CASP5: variants seen among roughly 807,000 people sequenced by gnomAD.
The protein encoded by CASP5 is caspase-5.
A neutral mutation model predicts 45.2 loss-of-function variants in CASP5; 42 were observed. The observed-to-expected ratio is 0.93, with a 90% CI of 0.73 to 1.20. The LOEUF (loss-of-function observed/expected upper bound fraction) is 1.20. CASP5 is among the 50% of genes most tolerant of loss of function. CASP5 has a pLI of 0.00. For missense variants in CASP5, 512 were observed against 532.2 expected, an observed-to-expected ratio of 0.96 and a Z score of 0.37; for synonymous variants, 209 against 186.2, an observed-to-expected ratio of 1.12 and a Z score of -1.00.
intron 3 of CASP5, among the ~76,000 whole-genome samples, chr11:105,004,927 C>T (rs981673918): frequency 2.0e-5 from 3 of 152,132 alleles, no homozygotes. Context: ...TCCAACTTAA[C>T]AGTCATCTCC....
intron 1 of CASP5, among the ~76,000 whole-genome samples, chr11:105,016,584 T>A (rs1468995754): frequency 6.6e-6 from 1 of 151,988 alleles, no homozygotes; most frequent in Non-Finnish European, 1.5e-5. Context: ...TCCACCCGAA[T>A]ACTGCGCTTT....
intron 9 of CASP5, among the ~76,000 whole-genome samples, chr11:104,995,449 A>G (rs907615040): frequency 6.6e-6 from 1 of 152,136 alleles, no homozygotes; most frequent in Non-Finnish European, 1.5e-5. Context: ...AAATGAACAT[A>G]ATTAATAATG....
At chr11:105,004,600 C>A (rs1861912868) in intron 3 of CASP5, among the ~76,000 whole-genome samples, 1 of 151,828 alleles carries the variant, frequency 6.6e-6, no homozygotes, top group South Asian at 2.1e-4. Flanking sequence ...TAATATTGTT[C>A]TGTATAAAAT....
At position 105,000,241 on chromosome 11, in the gene CASP5, T is replaced by A; in HGVS notation, c.952+20A>T. On this transcript the variant is annotated intron_variant, in intron 6 of 9. Transcript: ENST00000260315. ...TGCATACACCTTCAAAACTGTTAGA[T>A]GTTCAGCCTCAGCACTCACCACCTC... 1 of 1,612,530 alleles carries A rather than the reference T, an allele frequency of 6.2e-7. No individual in the cohort carries two copies. The highest frequency in any genetic ancestry group is 8.5e-7 in the Non-Finnish European group (1 of 1,178,472).
chr11:105,000,341 A>T lies in CASP5; in HGVS notation c.872T>A (p.Ile291Asn), dbSNP rs1389103021. 1.9e-6 allele frequency: 3 copies of T among 1,614,220 alleles called. No homozygotes were observed. Among genetic ancestry groups the T allele is most frequent in the Non-Finnish European group, 2.5e-6 (3 of 1,180,032 alleles). ...KKPDVLLYDTIFQIFNNRNCL... is the reference protein window; with the variant it reads ...KKPDVLLYDTNFQIFNNRNCL... ...GTTGCGGTTGTTGAATATCTGGAAG[A>T]TGGTGTCATAAAGCAGCACATCCGG... is the stretch of plus-strand genomic sequence containing the variant. The change falls in exon 6 of 10, where the codon ATC becomes AAC. Residue 291 changes from isoleucine (I) to asparagine (N), a missense_variant. Physicochemically the swap from Ile to Asn is moderately radical, Grantham distance 149. Coordinates refer to ENST00000260315, the MANE Select transcript of CASP5 (RefSeq NM_004347.5).
chr11:105,007,014 T>C (rs1235567691), intron 3 of CASP5, 69 bp downstream of exon 3: 7 of 1,305,082 alleles, frequency 5.4e-6, no homozygotes, highest in Non-Finnish European at 7.5e-6. Flanking sequence ...CAGATAACAC[T>C]GCATGGGCCT....
chr11:105,002,889 T>A (rs1322627941), intron 4 of CASP5, among the ~76,000 whole-genome samples: 1 of 152,154 alleles, frequency 6.6e-6, no homozygotes, highest in East Asian at 1.9e-4. Flanking sequence ...CCCTCATCAT[T>A]TAGTGCTTTA....
At chr11:105,016,738 C>A (rs1045607334) in intron 1 of CASP5, among the ~76,000 whole-genome samples, 8 of 152,056 alleles carry the variant, frequency 5.3e-5, no homozygotes, top group Non-Finnish European at 1.0e-4. Flanking sequence ...GAGGGGCGCC[C>A]ACCATTGCCC....
At chr11:105,006,330 T>C (rs1861999110) in intron 3 of CASP5, among the ~76,000 whole-genome samples, 1 of 152,228 alleles carries the variant, frequency 6.6e-6, no homozygotes, top group Non-Finnish European at 1.5e-5. Context: ...GTATACTTCA[T>C]TTGTTTATTC....
In CASP5 at chr11:105,003,287, T is replaced by G. The variant is rs1335563731; in HGVS notation, c.530A>C (p.Lys177Thr). The G allele has an allele frequency of 1.3e-6, 2 of 1,595,696 alleles. No homozygotes were observed. The highest frequency in any genetic ancestry group is 2.2e-5 in the East Asian group (1 of 44,554). Reference protein sequence around the residue: ...PREEFLRLCKKNHDEIYPIKK... With the variant: ...PREEFLRLCKTNHDEIYPIKK... ...AGAGCACAGCACCTCATCATGATTT[T>G]TTTTACACAGTCTCAGGAATTCTTC... The change falls in exon 4 of 10, where the codon AAA (lysine) becomes ACA (threonine). Residue 177 changes from lysine to threonine, a missense_variant. Coordinates refer to ENST00000260315, the MANE Select transcript of CASP5 (RefSeq NM_004347.5).
At chr11:105,009,737 A>ACACG (rs1194288526) in intron 1 of CASP5, among the ~76,000 whole-genome samples, 7 of 64,488 alleles carry the variant, frequency 1.1e-4, no homozygotes, top group African/African-American at 6.5e-4. Context: ...ATATATATAT[A>ACACG]TATATATATA....
intron 8 of CASP5, among the ~76,000 whole-genome samples, chr11:104,996,755 T>C (rs868800909): frequency 1.3e-4 from 20 of 152,210 alleles, no homozygotes; most frequent in Middle Eastern, 6.8e-3. Flanking sequence ...AAATAAACTA[T>C]TAATATATGC....
At chr11:105,002,375 T>G (rs1032565379) in intron 4 of CASP5, among the ~76,000 whole-genome samples, 174 bp from the exon 5 acceptor site, 2 of 152,174 alleles carry the variant, frequency 1.3e-5, no homozygotes, top group African/African-American at 4.8e-5. Context: ...AGGACATATC[T>G]GGAATGATCA....
At chr11:105,008,762 A>G (rs777767473) in intron 2 of CASP5, 45 bp downstream of exon 2, 1 of 1,401,078 alleles carries the variant, frequency 7.1e-7, no homozygotes, top group African/African-American at 1.4e-5. Context: ...AATTGAACAG[A>G]TTCTAAAAAA....
In CASP5 at chr11:105,000,484, T is replaced by TA; in HGVS notation, c.728_729insT (p.Val244SerfsTer15). ...GTCTGGCAGCAAATGCCCTCAGCAC[T>TA]GACTCCATATCCTATAAAAGAGCAA... On this transcript the variant is annotated frameshift_variant, in exon 6 of 10. Transcript: ENST00000260315. LOFTEE classifies it high-confidence loss of function. 1 of 1,614,062 alleles carries TA rather than the reference T, an allele frequency of 6.2e-7. No individual in the cohort carries two copies. Among genetic ancestry groups the TA allele is most frequent in the Admixed American group, 1.7e-5 (1 of 60,024 alleles).
intron 3 of CASP5, among the ~76,000 whole-genome samples, chr11:105,005,145 T>C (rs1032852607): frequency 2.0e-5 from 3 of 152,130 alleles, no homozygotes; most frequent in Non-Finnish European, 4.4e-5. Context: ...ATCAGGAGTT[T>C]AGATAAAAAT....
At chr11:105,000,768 A>T (rs1469677084) in intron 5 of CASP5, among the ~76,000 whole-genome samples, 1 of 151,066 alleles carries the variant, frequency 6.6e-6, no homozygotes, top group East Asian at 1.9e-4. Flanking sequence ...TACTTATATT[A>T]CTTTTTTTTA....
At chr11:105,018,830 AC>A (rs1472189419) in intron 1 of CASP5, among the ~76,000 whole-genome samples, 2 of 142,746 alleles carry the variant, frequency 1.4e-5, no homozygotes, top group Non-Finnish European at 3.1e-5. Flanking sequence ...AGAACTCTCC[AC>A]CCCAAATCAA....
At chr11:105,016,613 T>A (rs372027413) in intron 1 of CASP5, among the ~76,000 whole-genome samples, 1 of 152,082 alleles carries the variant, frequency 6.6e-6, no homozygotes, top group African/African-American at 2.4e-5. Flanking sequence ...GCTTAAAAAA[T>A]GGCGCATCAG....
Sources: allele counts gnomAD v4.1 joint callset (sites outside exome capture counted in the v4.1 genomes callset), GRCh38; gene constraint gnomAD v4.1.1; transcripts MANE v1.5; gene names NCBI Gene and HGNC (gene_info 2026-07-23, HGNC 2026-07-21).